The following NELL1 variants were observed in gnomAD, a reference collection of about 807,000 sequenced individuals.
NELL1 encodes neural EGFL like 1.
In NELL1, 76 loss-of-function variants were observed where a neutral mutation model predicts 107.4. The ratio of observed to expected loss-of-function variants is 0.71; its 90% CI spans 0.59 to 0.86. NELL1 has a LOEUF of 0.86. NELL1 is among the 40% of genes least tolerant of loss of function. The pLI, the probability that NELL1 is intolerant of heterozygous loss-of-function variation, is 0.00. For missense variants in NELL1, 1,024 were observed against 1,005.5 expected (o/e 1.02, Z -0.25); for synonymous variants, 353 against 341.2 (o/e 1.03, Z -0.38).
intron 12 of NELL1, among the ~76,000 whole-genome samples, chr11:21,004,626 A>G (rs564015474): frequency 6.0e-4 from 92 of 152,214 alleles, no homozygotes; most frequent in Middle Eastern, 3.4e-3. Context: ...ATTAAGTGAG[A>G]TAAGAGTAAT....
At chr11:21,118,945 GATTA>G (rs1029200823) in intron 13 of NELL1, among the ~76,000 whole-genome samples, 2 of 152,000 alleles carry the variant, frequency 1.3e-5, no homozygotes, top group Admixed American at 1.3e-4. Context: ...TTGGATGATT[GATTA>G]ATTAATTATT....
At chr11:21,198,108 A>G (rs1468789577) in intron 13 of NELL1, among the ~76,000 whole-genome samples, 1 of 152,290 alleles carries the variant, frequency 6.6e-6, no homozygotes, top group Non-Finnish European at 1.5e-5. Flanking sequence ...TTCTTTCCAC[A>G]TATGTCAGGC....
chr11:21,112,589 A>G lies in NELL1; in HGVS notation c.1301-1000A>G, dbSNP rs543560109. Among the ~76,000 whole-genome samples the G allele has an allele frequency of 4.3e-4, 65 of 152,182 alleles. 1 individual carries two copies. The South Asian group carries it at 0.012, about 29-fold the overall frequency. On this transcript the variant is annotated intron_variant, in intron 12 of 19. Transcript: ENST00000357134. ...TCTCTAAGCCCCAGTTTTCTAGACT[A>G]TAAAACGGGAGTAGTGTTTGTATTT...
chr11:21,390,185 G>C (rs1041697655), intron 15 of NELL1, among the ~76,000 whole-genome samples: 5 of 151,508 alleles, frequency 3.3e-5, no homozygotes, highest in Admixed American at 2.0e-4. Flanking sequence ...TTGATCATTT[G>C]GTTATACTGG....
chr11:21,372,865 T>C (rs561083887), intron 15 of NELL1, among the ~76,000 whole-genome samples: 84 of 152,180 alleles, frequency 5.5e-4, no homozygotes, highest in African/African-American at 2.0e-3. Context: ...TCATGCCTTC[T>C]TGATTTGTCC....
chr11:20,844,388 A>G (rs1159041049), intron 3 of NELL1, among the ~76,000 whole-genome samples: 2 of 152,204 alleles, frequency 1.3e-5, no homozygotes, highest in African/African-American at 4.8e-5. Context: ...CTGGGAGCGA[A>G]GGCAGTTTGT....
chr11:21,492,208 C>T (rs1483490503), intron 15 of NELL1, among the ~76,000 whole-genome samples: 3 of 152,058 alleles, frequency 2.0e-5, no homozygotes, highest in Non-Finnish European at 2.9e-5. Context: ...CCATCTCACA[C>T]CAGTTAGAAT....
At chr11:20,696,699 T>C (rs1041074944) in intron 2 of NELL1, among the ~76,000 whole-genome samples, 4 of 152,180 alleles carry the variant, frequency 2.6e-5, no homozygotes, top group Non-Finnish European at 5.9e-5. Flanking sequence ...CATCTTACCA[T>C]TTATTTTTTG....
chr11:21,537,481 G>A (rs1003454685), intron 16 of NELL1, among the ~76,000 whole-genome samples: 3 of 152,112 alleles, frequency 2.0e-5, no homozygotes, highest in Non-Finnish European at 4.4e-5. Flanking sequence ...TTGTATGGCT[G>A]CCATGTTATT....
intron 4 of NELL1, among the ~76,000 whole-genome samples, chr11:20,866,126 G>C (rs772356413): frequency 9.8e-5 from 15 of 152,324 alleles, no homozygotes; most frequent in Non-Finnish European, 2.2e-4. Context: ...TGTGCACAAA[G>C]GAGGAGTTAC....
At chr11:20,738,565 T>A (rs1388522466) in intron 2 of NELL1, among the ~76,000 whole-genome samples, 1 of 152,206 alleles carries the variant, frequency 6.6e-6, no homozygotes, top group Admixed American at 6.5e-5. Flanking sequence ...AAAAAGACTT[T>A]TTCTTTCTTT....
chr11:21,369,564 T>C (rs540494994), intron 14 of NELL1, among the ~76,000 whole-genome samples: 1 of 152,102 alleles, frequency 6.6e-6, no homozygotes, highest in East Asian at 1.9e-4. Context: ...GTTCTACGTA[T>C]TTGGAATAGT....
chr11:20,726,388 T>A (rs761832621), intron 2 of NELL1, among the ~76,000 whole-genome samples: 1 of 152,218 alleles, frequency 6.6e-6, no homozygotes, highest in African/African-American at 2.4e-5. Flanking sequence ...TACAACTGTA[T>A]AGTCAGTCTC....
chr11:21,523,963 G>A (rs887345762), intron 15 of NELL1, among the ~76,000 whole-genome samples: 2 of 152,102 alleles, frequency 1.3e-5, no homozygotes, highest in East Asian at 3.9e-4. Flanking sequence ...GTTTGTTTCA[G>A]ATGAGACAAC....
intron 15 of NELL1, among the ~76,000 whole-genome samples, chr11:21,438,061 A>C (rs1249560732): frequency 2.0e-5 from 3 of 152,188 alleles, no homozygotes; most frequent in Admixed American, 1.3e-4. Flanking sequence ...TTGTGTATCT[A>C]ACAGTGAGTT....
rs71034525 is a variant in NELL1, at chr11:21,483,884, CAT to C, written c.1646-50474_1646-50473del. 8.2e-3 allele frequency among the ~76,000 whole-genome samples: 974 copies of C among 118,846 alleles called. 18 individuals carry two copies. The highest frequency in any genetic ancestry group is 0.028 in the African/African-American group (903 of 31,768). 78.0% of individuals were successfully genotyped at this position (118,846 alleles called of 152,430 possible). On this transcript the variant is annotated intron_variant, in intron 15 of 19. Coordinates refer to ENST00000357134, the MANE Select transcript of NELL1 (RefSeq NM_006157.5). ...ACATATACAAACACACACACACACACATATATATATATATATAAAATATTCCA... is the reference window on the plus strand; with the variant it reads ...ACATATACAAACACACACACACACACATATATATATATATAAAATATTCCA...
chr11:21,272,604 C>T (rs1221332904), intron 14 of NELL1, among the ~76,000 whole-genome samples: 2 of 152,226 alleles, frequency 1.3e-5, no homozygotes, highest in Non-Finnish European at 2.9e-5. Flanking sequence ...CAGACTGCCT[C>T]CTCAAGTGGG....
intron 1 of NELL1, among the ~76,000 whole-genome samples, chr11:20,674,057 T>A (rs1853987049): frequency 6.6e-6 from 1 of 152,216 alleles, no homozygotes; most frequent in Admixed American, 6.5e-5. Flanking sequence ...TTTCTCTTTT[T>A]TTGGCTCTGT....
At chr11:21,149,811 G>A (rs2133784624) in intron 13 of NELL1, among the ~76,000 whole-genome samples, 1 of 152,196 alleles carries the variant, frequency 6.6e-6, no homozygotes, top group South Asian at 2.1e-4. Flanking sequence ...AAAGTAAACA[G>A]GTTTTCTTGT....
Sources: allele counts gnomAD v4.1 joint callset (sites outside exome capture counted in the v4.1 genomes callset), GRCh38; gene constraint gnomAD v4.1.1; transcripts MANE v1.5; gene names NCBI Gene and HGNC (gene_info 2026-07-23, HGNC 2026-07-21).